Variants in SNX4 observed in about 807,000 individuals in gnomAD.
SNX4 encodes sorting nexin 4, also known as sorting nexin-4.
Under a neutral mutation model 70.8 loss-of-function variants are expected in SNX4, and 49 were observed. The ratio of observed to expected loss-of-function variants is 0.69; its 90% CI spans 0.55 to 0.88. The LOEUF is 0.88. Among genes scored for constraint, SNX4 ranks in the 40% least tolerant of loss-of-function variants. The pLI is 0.00. For synonymous variants in SNX4, 206 were observed against 183.8 expected, an observed-to-expected ratio of 1.12 and a Z score of -0.98; for missense variants, 528 against 544.8, an observed-to-expected ratio of 0.97 and a Z score of 0.31.
intron 7 of SNX4, among the ~76,000 whole-genome samples, chr3:125,479,340 G>A (rs893828760): frequency 1.3e-5 from 2 of 151,900 alleles, no homozygotes; most frequent in Admixed American, 6.6e-5. Context: ...GATCACTTGG[G>A]GCCAGGAGGA....
At chr3:125,482,996 C>T (rs573750859) in intron 6 of SNX4, among the ~76,000 whole-genome samples, 2 of 152,126 alleles carry the variant, frequency 1.3e-5, no homozygotes, top group African/African-American at 4.8e-5. Flanking sequence ...TGGTGTTACT[C>T]TCTGGGGAGG....
intron 8 of SNX4, among the ~76,000 whole-genome samples, chr3:125,470,489 T>TA (rs371640854): frequency 0.053 from 7,308 of 139,000 alleles, 399 homozygotes; most frequent in African/African-American, 0.13. Context: ...CCTAAAAAGT[T>TA]AAAAAAAAAA....
rs576346957 is a variant in SNX4 at position 125,514,255 on chromosome 3, C to A, written c.141+5777G>T. Among the ~76,000 whole-genome samples the A allele has an allele frequency of 1.2e-4, 18 of 152,164 alleles. No individual in the cohort carries two copies. The East Asian group carries it at 3.5e-3, about 29-fold the overall frequency. On this transcript the variant is annotated intron_variant, in intron 1 of 13. Transcript: ENST00000251775. ...TCTTGTGCTTTTTTCTATAAAAATA[C>A]TTTTAAAATAACAGCAGAGCTATTC...
intron 6 of SNX4, among the ~76,000 whole-genome samples, chr3:125,488,649 C>A (rs1408286533): frequency 2.0e-5 from 3 of 152,064 alleles, no homozygotes; most frequent in Non-Finnish European, 4.4e-5. Flanking sequence ...TCAGAATATG[C>A]AGACCCCACC....
intron 7 of SNX4, among the ~76,000 whole-genome samples, chr3:125,477,796 C>T (rs767984999): frequency 6.6e-6 from 1 of 152,146 alleles, no homozygotes; most frequent in Non-Finnish European, 1.5e-5. Context: ...TACAGGTCTG[C>T]CACTTGTTTT....
intron 5 of SNX4, among the ~76,000 whole-genome samples, chr3:125,490,397 C>T (rs1298159997): frequency 6.6e-6 from 1 of 150,966 alleles, no homozygotes; most frequent in Non-Finnish European, 1.5e-5. Flanking sequence ...TGGCGCGTGC[C>T]TGTAGTCCCA....
chr3:125,488,230 C>G (rs1438934516), intron 6 of SNX4, among the ~76,000 whole-genome samples: 2 of 140,154 alleles, frequency 1.4e-5, no homozygotes, highest in Non-Finnish European at 3.1e-5. Flanking sequence ...AATCCCAGAA[C>G]TTTGGGAGGC....
At chr3:125,481,350 T>G in intron 6 of SNX4, among the ~76,000 whole-genome samples, 1 of 152,188 alleles carries the variant, frequency 6.6e-6, no homozygotes, top group Non-Finnish European at 1.5e-5. Flanking sequence ...GGCTTTCATT[T>G]CACTCTCTGG....
At position 125,492,863 on chromosome 3, in the gene SNX4, C is replaced by T. The variant is rs375309312; in HGVS notation, c.598-3400G>A. Reference sequence around the variant, plus strand: ...ATAACAAGATTAACAGAGATCCTAACTAAGGGCCCAGACCTTGGCTCTGGT... The same window carrying T: ...ATAACAAGATTAACAGAGATCCTAATTAAGGGCCCAGACCTTGGCTCTGGT... On this transcript the variant is annotated intron_variant, in intron 5 of 13. Coordinates refer to ENST00000251775, the MANE Select transcript of SNX4 (RefSeq NM_003794.4). Among the ~76,000 whole-genome samples, 93 of 152,264 alleles carry T rather than the reference C, an allele frequency of 6.1e-4. 1 individual carries two copies. Among genetic ancestry groups the T allele is most frequent in the Admixed American group, 6.5e-4 (10 of 15,294 alleles).
intron 7 of SNX4, among the ~76,000 whole-genome samples, chr3:125,477,222 G>A (rs1227179392): frequency 6.6e-6 from 1 of 152,122 alleles, no homozygotes; most frequent in Non-Finnish European, 1.5e-5. Flanking sequence ...AATCCCCAAA[G>A]TGGAATTAAC....
At chr3:125,510,006 C>T (rs1047373961) in intron 1 of SNX4, among the ~76,000 whole-genome samples, 5 of 151,984 alleles carry the variant, frequency 3.3e-5, no homozygotes, top group South Asian at 2.1e-4. Flanking sequence ...GCCCTATTGG[C>T]GGGAATGTAA....
At chr3:125,518,658 G>T (rs569129801) in intron 1 of SNX4, among the ~76,000 whole-genome samples, 30 of 152,222 alleles carry the variant, frequency 2.0e-4, no homozygotes, top group African/African-American at 6.7e-4. Flanking sequence ...CATGAGCCCA[G>T]GAGTTGCAGA....
At position 125,509,841 on chromosome 3, in the gene SNX4, G is replaced by A. The variant is rs1935133112; in HGVS notation, c.142-5097C>T. On this transcript the variant is annotated intron_variant, in intron 1 of 13. Transcript: ENST00000251775. Reference sequence around the variant, plus strand: ...AACAGACATTTATTTTTCTGAAGAAGCACATGAAAAGATAATCAACATCAC... The same window carrying A: ...AACAGACATTTATTTTTCTGAAGAAACACATGAAAAGATAATCAACATCAC... Among the ~76,000 whole-genome samples, 5 of 149,376 alleles carry A rather than the reference G, an allele frequency of 3.3e-5. No homozygotes were observed. In the Admixed American group the frequency reaches 3.3e-4, roughly 10 times the overall value.
In SNX4 at chr3:125,487,785, T is replaced by C. The variant is rs566145121; in HGVS notation, c.653+1623A>G. ...AAAAAAAAAAACAAAACTATAGCGA[T>C]AATAAAAAGATCAGTGATTCCCAGG... is the stretch of plus-strand genomic sequence containing the variant. On this transcript the variant is annotated intron_variant, in intron 6 of 13. Coordinates refer to ENST00000251775, the MANE Select transcript of SNX4 (RefSeq NM_003794.4). Among the ~76,000 whole-genome samples, 4 of 150,636 alleles carry C rather than the reference T, an allele frequency of 2.7e-5. No individual in the cohort carries two copies. In the East Asian group the frequency reaches 7.8e-4, roughly 29 times the overall value.
At chr3:125,470,393 T>C (rs1219073363) in intron 8 of SNX4, among the ~76,000 whole-genome samples, 1 of 151,974 alleles carries the variant, frequency 6.6e-6, no homozygotes, top group Non-Finnish European at 1.5e-5. Context: ...TTAAAGAATG[T>C]ATAATAATCA....
intron 11 of SNX4, 148 bp downstream of exon 11, chr3:125,457,118 A>G (rs1209672674): frequency 1.6e-6 from 1 of 613,908 alleles, no homozygotes; most frequent in African/African-American, 1.9e-5. Context: ...GTTACTCACA[A>G]ATTATTCCCC....
chr3:125,481,984 T>C (rs1292732145), intron 6 of SNX4, among the ~76,000 whole-genome samples: 2 of 152,102 alleles, frequency 1.3e-5, no homozygotes, highest in Admixed American at 1.3e-4. Context: ...TCCACCTGCC[T>C]CAGCCTCCCA....
At chr3:125,489,890 C>CCGAG (rs1934612417) in intron 5 of SNX4, among the ~76,000 whole-genome samples, 1 of 152,188 alleles carries the variant, frequency 6.6e-6, no homozygotes, top group Non-Finnish European at 1.5e-5. Flanking sequence ...CTTTGGAAGG[C>CCGAG]CGAGACAGGA....
At chr3:125,468,567 T>C (rs1285109499) in intron 9 of SNX4, among the ~76,000 whole-genome samples, 1 of 151,954 alleles carries the variant, frequency 6.6e-6, no homozygotes, top group Non-Finnish European at 1.5e-5. Context: ...TAATTCAATC[T>C]GGGAACAGCG....
Sources: gnomAD v4.1 joint callset for allele counts (sites outside exome capture counted in the v4.1 genomes callset) on GRCh38, gnomAD v4.1.1 for gene constraint, MANE v1.5 for transcripts, NCBI Gene and HGNC (gene_info 2026-07-23, HGNC 2026-07-21) for gene names.